The following STIM2 variants were observed in gnomAD, a reference collection of about 807,000 sequenced individuals.
The protein encoded by STIM2 is stromal interaction molecule 2.
STIM2 carries 31 observed loss-of-function variants against 85.8 expected under a neutral mutation model. That is an observed-to-expected ratio of 0.36 (90% CI 0.27 to 0.49). STIM2 has a LOEUF of 0.49. Ranked by LOEUF, STIM2 falls within the 20% of genes least tolerant of loss-of-function variation. The pLI is 0.98. For missense variants in STIM2, 841 were observed against 927.6 expected, an observed-to-expected ratio of 0.91 and a Z score of 1.21; for synonymous variants, 356 against 331.1, an observed-to-expected ratio of 1.08 and a Z score of -0.82.
At chr4:26,963,735 G>C (rs892957067) in intron 3 of STIM2, among the ~76,000 whole-genome samples, 29 of 152,298 alleles carry the variant, frequency 1.9e-4, no homozygotes, top group Non-Finnish European at 7.4e-5. Flanking sequence ...TAGGGAGATG[G>C]CTCTTCAACA....
intron 2 of STIM2, among the ~76,000 whole-genome samples, chr4:26,922,903 G>GA (rs1301800055): frequency 6.6e-6 from 1 of 152,114 alleles, no homozygotes; most frequent in Non-Finnish European, 1.5e-5. Context: ...TGGAACCTAG[G>GA]ACAAAGACCA....
chr4:26,884,441 C>T (rs1723136338), intron 1 of STIM2, among the ~76,000 whole-genome samples: 1 of 152,140 alleles, frequency 6.6e-6, no homozygotes, highest in African/African-American at 2.4e-5. Flanking sequence ...TGATGCTCTG[C>T]TCGAAATGGT....
intron 2 of STIM2, among the ~76,000 whole-genome samples, chr4:26,956,356 G>T (rs1251453056): frequency 6.6e-6 from 1 of 152,042 alleles, no homozygotes; most frequent in East Asian, 1.9e-4. Flanking sequence ...CCATAAAATG[G>T]AGTTTGCTTT....
intron 1 of STIM2, among the ~76,000 whole-genome samples, chr4:26,911,776 T>A (rs1319207247): frequency 6.6e-6 from 1 of 152,218 alleles, no homozygotes; most frequent in Non-Finnish European, 1.5e-5. Context: ...ATGTAACAGG[T>A]AACATGTATA....
rs759289655 is a variant in STIM2, at chr4:26,954,541, A to T, written c.283-3071A>T. Among the ~76,000 whole-genome samples, 26 of 148,632 alleles carry T rather than the reference A, an allele frequency of 1.7e-4. 2 individuals are homozygous for T. The highest frequency in any genetic ancestry group is 3.4e-4 in the Non-Finnish European group (23 of 67,346). On this transcript the variant is annotated intron_variant, in intron 2 of 11. Coordinates refer to ENST00000467087, the MANE Select transcript of STIM2 (RefSeq NM_020860.4). ...CTTTTGACAAATGAATACAAAGAAG[A>T]AGTATTTGTCTTTTGTGTATGCATT...
At chr4:26,890,366 TC>T (rs769966768) in intron 1 of STIM2, among the ~76,000 whole-genome samples, 2 of 152,158 alleles carry the variant, frequency 1.3e-5, no homozygotes, top group South Asian at 4.1e-4. Context: ...TCTGTCATAT[TC>T]CATTTTCATT....
At chr4:26,965,231 C>T (rs1363406359) in intron 3 of STIM2, among the ~76,000 whole-genome samples, 1 of 152,052 alleles carries the variant, frequency 6.6e-6, no homozygotes, top group South Asian at 2.1e-4. Flanking sequence ...TCATTTCTAC[C>T]ACTAACAAAA....
intron 1 of STIM2, among the ~76,000 whole-genome samples, chr4:26,876,839 G>T (rs1722831696): frequency 6.6e-6 from 1 of 152,032 alleles, no homozygotes; most frequent in Non-Finnish European, 1.5e-5. Flanking sequence ...TTATTTTCAT[G>T]TGGAGATGGT....
chr4:26,899,349 C>T (rs1723832009), intron 1 of STIM2, among the ~76,000 whole-genome samples: 1 of 152,094 alleles, frequency 6.6e-6, no homozygotes, highest in South Asian at 2.1e-4. Context: ...TAGAGCTTTA[C>T]ATTTATGTTC....
At chr4:26,873,954 T>A in intron 1 of STIM2, 1 of 1,265,164 alleles carries the variant, frequency 7.9e-7, no homozygotes, top group Non-Finnish European at 1.1e-6. Flanking sequence ...TGGCTCAGGC[T>A]GTGAGTCAGG....
intron 1 of STIM2, among the ~76,000 whole-genome samples, chr4:26,894,301 A>G (rs1723612664): frequency 6.6e-6 from 1 of 152,242 alleles, no homozygotes; most frequent in Admixed American, 6.5e-5. Flanking sequence ...ATTAATAAAC[A>G]GAAGTTCTTA....
At chr4:26,919,893 C>G (rs1724734414) in intron 2 of STIM2, among the ~76,000 whole-genome samples, 1 of 152,072 alleles carries the variant, frequency 6.6e-6, no homozygotes, top group South Asian at 2.1e-4. Flanking sequence ...AACATGTATC[C>G]TATTCTGACT....
chr4:26,918,567 T>A (rs769554337), intron 1 of STIM2, among the ~76,000 whole-genome samples: 4 of 152,174 alleles, frequency 2.6e-5, no homozygotes, highest in Non-Finnish European at 4.4e-5. Flanking sequence ...TATGTGGTTC[T>A]GATGGCATTT....
At chr4:26,890,217 C>T (rs1723413064) in intron 1 of STIM2, among the ~76,000 whole-genome samples, 1 of 152,120 alleles carries the variant, frequency 6.6e-6, no homozygotes, top group South Asian at 2.1e-4. Context: ...CTTCGGTCAA[C>T]TGATAGTAGG....
chr4:26,919,350 T>C (rs557716304), intron 1 of STIM2, among the ~76,000 whole-genome samples, 154 bp from the exon 2 acceptor site: 2 of 152,290 alleles, frequency 1.3e-5, no homozygotes, highest in South Asian at 4.1e-4. Flanking sequence ...TATTATACTT[T>C]TGATGTGAAG....
At chr4:26,897,987 G>T (rs1012751541) in intron 1 of STIM2, among the ~76,000 whole-genome samples, 1 of 152,132 alleles carries the variant, frequency 6.6e-6, no homozygotes, top group Non-Finnish European at 1.5e-5. Context: ...AGCTGGTCTT[G>T]AATTCTTGGG....
chr4:27,004,735 T>G (rs1728275920), intron 7 of STIM2, among the ~76,000 whole-genome samples: 1 of 152,166 alleles, frequency 6.6e-6, no homozygotes, highest in African/African-American at 2.4e-5. Flanking sequence ...ATTATTGGTA[T>G]GAATAATCTC....
chr4:26,906,451 T>C (rs1724129833), intron 1 of STIM2, among the ~76,000 whole-genome samples: 1 of 151,398 alleles, frequency 6.6e-6, no homozygotes, highest in East Asian at 1.9e-4. Context: ...TTTTTTTTTT[T>C]TTTTTTTGAA....
intron 1 of STIM2, among the ~76,000 whole-genome samples, chr4:26,865,731 T>C (rs530431743): frequency 6.6e-6 from 1 of 152,152 alleles, no homozygotes; most frequent in Non-Finnish European, 1.5e-5. Context: ...CTTGTTAAGA[T>C]CTACCTAGGA....
Sources: gnomAD v4.1 joint callset for allele counts (sites outside exome capture counted in the v4.1 genomes callset) on GRCh38, gnomAD v4.1.1 for gene constraint, MANE v1.5 for transcripts, NCBI Gene and HGNC (gene_info 2026-07-23, HGNC 2026-07-21) for gene names.